The following LARS2 variants were observed in gnomAD, a reference collection of about 807,000 sequenced individuals.
The protein encoded by LARS2 is leucyl-tRNA synthetase 2, mitochondrial.
In LARS2, 81 loss-of-function variants were observed where a neutral mutation model predicts 116.6. That is an observed-to-expected ratio of 0.69 (90% CI 0.58 to 0.84). The LOEUF is 0.84. LARS2 is among the 40% of genes least tolerant of loss of function. The probability of loss-of-function intolerance (pLI) is 0.00; values close to 1 mark genes in which losing one functional copy is unlikely to be tolerated. For missense variants in LARS2, 968 were observed against 1,114.5 expected, an observed-to-expected ratio of 0.87 and a Z score of 1.87; for synonymous variants, 396 against 407.2, an observed-to-expected ratio of 0.97 and a Z score of 0.33.
intron 20 of LARS2, among the ~76,000 whole-genome samples, chr3:45,528,823 A>G (rs919757723): frequency 3.3e-5 from 5 of 151,868 alleles, no homozygotes; most frequent in African/African-American, 1.2e-4. Context: ...ACTCACTTAA[A>G]TATTCCATGA....
chr3:45,511,439 A>G (rs1470000904), intron 15 of LARS2, among the ~76,000 whole-genome samples: 1 of 152,168 alleles, frequency 6.6e-6, no homozygotes, highest in Non-Finnish European at 1.5e-5. Context: ...CTAGAAGCGG[A>G]TGGAAGGTTG....
chr3:45,464,409 A>C (rs571703784), intron 8 of LARS2, among the ~76,000 whole-genome samples: 1 of 152,166 alleles, frequency 6.6e-6, no homozygotes, highest in Non-Finnish European at 1.5e-5. Context: ...TTATGAAAGC[A>C]TTTGGCTGCC....
Position 45,394,538 on chromosome 3 carries a change from G to A in LARS2, c.85G>A (p.Glu29Lys). 1 of 1,614,170 alleles carries A rather than the reference G, an allele frequency of 6.2e-7. No homozygotes were observed. Among genetic ancestry groups the A allele is most frequent in the Non-Finnish European group, 8.5e-7 (1 of 1,180,030 alleles). Reference protein sequence around the residue: ...LNGGPDVIKWERRVIPGCTRS... With the variant: ...LNGGPDVIKWKRRVIPGCTRS... ...TGGTGGGCCAGATGTCATCAAGTGG[G>A]AAAGGAGAGTAATTCCCGGATGTAC... Residue 29 changes from glutamate to lysine, a missense_variant, in exon 3 of 22, where the codon GAA becomes AAA. Physicochemically the swap from Glu to Lys is moderately conservative, Grantham distance 56. Coordinates refer to ENST00000645846, the MANE Select transcript of LARS2 (RefSeq NM_015340.4).
In LARS2 at chr3:45,524,100, T is replaced by G. The variant is rs1399869316; in HGVS notation, c.2396T>G (p.Ile799Ser). ...APLAPHVTSE[I>S]WAGLALVPRK... ...CTGGCCCCTCATGTAACCTCAGAGA[T>G]CTGGGCAGGTACGTGGCAGAGTCCT... Residue 799 changes from isoleucine to serine, a missense_variant, in exon 20 of 22, where the codon ATC (isoleucine) becomes AGC (serine). Physicochemically the swap from Ile to Ser is moderately radical, Grantham distance 142. Coordinates refer to ENST00000645846, the MANE Select transcript of LARS2 (RefSeq NM_015340.4). 6.2e-7 allele frequency: 1 copy of G among 1,607,890 alleles called. No homozygotes were observed. The highest frequency in any genetic ancestry group is 1.1e-5 in the South Asian group (1 of 90,976).
intron 20 of LARS2, among the ~76,000 whole-genome samples, chr3:45,524,648 C>T (rs1017304928): frequency 1.1e-4 from 17 of 152,060 alleles, no homozygotes; most frequent in African/African-American, 4.1e-4. Flanking sequence ...TTAGGCCAAG[C>T]ATATAGGGAG....
At chr3:45,390,707 C>T (rs1159969329) in intron 1 of LARS2, among the ~76,000 whole-genome samples, 2 of 150,688 alleles carry the variant, frequency 1.3e-5, no homozygotes, top group Non-Finnish European at 3.0e-5. Context: ...GGCTGGAGTG[C>T]AGTGGCGTGA....
chr3:45,458,679 T>A (rs753232265), intron 7 of LARS2, 64 bp from the exon 8 acceptor site: 6 of 1,533,054 alleles, frequency 3.9e-6, no homozygotes, highest in Non-Finnish European at 5.4e-6. Flanking sequence ...AGTGCGACAC[T>A]CCCTGTCAAA....
chr3:45,465,056 C>G (rs1211873652), intron 8 of LARS2, among the ~76,000 whole-genome samples: 6 of 152,152 alleles, frequency 3.9e-5, no homozygotes, highest in Middle Eastern at 3.4e-3. Context: ...GACCCCTATT[C>G]TCAGACCAGT....
intron 6 of LARS2, among the ~76,000 whole-genome samples, chr3:45,438,738 G>C (rs572624047): frequency 1.3e-5 from 2 of 151,916 alleles, no homozygotes; most frequent in Non-Finnish European, 2.9e-5. Flanking sequence ...TGGAGGCTGA[G>C]ACAGGAGAAT....
intron 4 of LARS2, among the ~76,000 whole-genome samples, chr3:45,411,423 C>T (rs1329200809): frequency 6.6e-6 from 1 of 152,228 alleles, no homozygotes; most frequent in Non-Finnish European, 1.5e-5. Flanking sequence ...TTTGTACCTA[C>T]TTTAAGCCAT....
chr3:45,488,879 A>C (rs1184044133), intron 12 of LARS2, 67 bp downstream of exon 12: 1 of 1,027,388 alleles, frequency 9.7e-7, no homozygotes, highest in Non-Finnish European at 1.6e-6. Flanking sequence ...ATTTTCCTTC[A>C]GGTGCAAATT....
At position 45,464,589 on chromosome 3, in the gene LARS2, A is replaced by G. The variant is rs190365979; in HGVS notation, c.750+5703A>G. Among the ~76,000 whole-genome samples the G allele has an allele frequency of 3.6e-3, 549 of 152,260 alleles. 4 individuals carry two copies. Among genetic ancestry groups the G allele is most frequent in the African/African-American group, 0.012 (510 of 41,550 alleles). On this transcript the variant is annotated intron_variant, in intron 8 of 21. Coordinates refer to ENST00000645846, the MANE Select transcript of LARS2 (RefSeq NM_015340.4). ...TCCTGTGTTGCTCTAGAAGCTTTGCAAAGGAATTGTTAGAGAAGTTTGGTA... is the reference window on the plus strand; with the variant it reads ...TCCTGTGTTGCTCTAGAAGCTTTGCGAAGGAATTGTTAGAGAAGTTTGGTA...
intron 14 of LARS2, among the ~76,000 whole-genome samples, chr3:45,498,895 G>T (rs6441918): frequency 0.84 from 127,837 of 152,234 alleles, 56,118 homozygotes; most frequent in East Asian, 0.98. Context: ...TATATGACAA[G>T]TCACCTTAAA....
rs547626572 is a variant in LARS2 at position 45,435,606 on chromosome 3, C to T, written c.517-11285C>T. On this transcript the variant is annotated intron_variant, in intron 6 of 21. Coordinates refer to ENST00000645846, the MANE Select transcript of LARS2 (RefSeq NM_015340.4). ...ATTTTTTCCTTCTCTTCCCTCCCTC[C>T]CTTCCTTCCTACCTTTTCTGTTTTC... Among the ~76,000 whole-genome samples the T allele has an allele frequency of 2.4e-4, 36 of 151,928 alleles. 1 individual carries two copies. In the South Asian group the frequency reaches 6.7e-3, roughly 28 times the overall value.
chr3:45,547,390 C>A lies in LARS2; in HGVS notation c.2572C>A (p.Gln858Lys), dbSNP rs777893707. 4.5e-5 allele frequency: 73 copies of A among 1,612,044 alleles called. No homozygotes were observed. In the Middle Eastern group the frequency reaches 1.2e-3, roughly 26 times the overall value. Residue 858 changes from glutamine (Q) to lysine (K), a missense_variant, in exon 22 of 22, where the codon CAA becomes AAA. Transcript: ENST00000645846. ...TTGTGGCAAAATTCCTGTGCCCCAA[C>A]AAGTTGCCCGGGACCAGGACAAAGT... The part of the protein sequence containing the change: ...KACGKIPVPQ[Q>K]VARDQDKVHE...
intron 8 of LARS2, among the ~76,000 whole-genome samples, chr3:45,466,680 C>T (rs1454321072): frequency 6.6e-6 from 1 of 152,022 alleles, no homozygotes; most frequent in Admixed American, 6.6e-5. Flanking sequence ...AGGGCCAGAA[C>T]CCAACTTGGG....
intron 7 of LARS2, 77 bp from the exon 8 acceptor site, chr3:45,458,666 G>A (rs1347246156): frequency 2.1e-5 from 31 of 1,471,432 alleles, no homozygotes; most frequent in Admixed American, 1.4e-4. Flanking sequence ...TAGCCCGGGC[G>A]ACAGTGCGAC....
chr3:45,530,521 A>T (rs1559498822), intron 20 of LARS2, among the ~76,000 whole-genome samples: 1 of 152,206 alleles, frequency 6.6e-6, no homozygotes, highest in African/African-American at 2.4e-5. Context: ...TCCGTCTCAA[A>T]AAAAAAACTG....
rs201771643 is a variant in LARS2 at position 45,547,389 on chromosome 3, A to C, written c.2571A>C (p.Gln857His). 3.2e-5 allele frequency: 52 copies of C among 1,611,998 alleles called. No homozygotes were observed. Among genetic ancestry groups the C allele is most frequent in the Non-Finnish European group, 4.3e-5 (51 of 1,179,448 alleles). ...CTTGTGGCAAAATTCCTGTGCCCCAACAAGTTGCCCGGGACCAGGACAAAG... is the reference window on the plus strand; with the variant it reads ...CTTGTGGCAAAATTCCTGTGCCCCACCAAGTTGCCCGGGACCAGGACAAAG... ...NKACGKIPVP[Q>H]QVARDQDKVH... Residue 857 changes from glutamine (Q) to histidine (H), a missense_variant, in exon 22 of 22, where the codon CAA becomes CAC. By Grantham distance (24) the Gln-to-His change is conservative. Coordinates refer to ENST00000645846, the MANE Select transcript of LARS2 (RefSeq NM_015340.4).
Sources: gnomAD v4.1 joint callset for allele counts (sites outside exome capture counted in the v4.1 genomes callset) on GRCh38, gnomAD v4.1.1 for gene constraint, MANE v1.5 for transcripts, NCBI Gene and HGNC (gene_info 2026-07-23, HGNC 2026-07-21) for gene names.